YAE1: variants seen among roughly 807,000 people sequenced by gnomAD.
YAE1 encodes the protein YAE1 maturation factor of ABCE1.
In YAE1, 22 loss-of-function variants were observed where a neutral mutation model predicts 23.0. The ratio of observed to expected loss-of-function variants is 0.96; its 90% CI spans 0.68 to 1.37. The LOEUF (loss-of-function observed/expected upper bound fraction) is 1.37. Among genes scored for constraint, YAE1 ranks in the 40% most tolerant of loss-of-function variants. YAE1 has a pLI of 0.00. For synonymous variants in YAE1, 101 were observed against 97.0 expected (o/e 1.04, Z -0.24); for missense variants, 260 against 262.1 (o/e 0.99, Z 0.06).
rs144656008 is a variant in YAE1, at chr7:39,579,370, T to A, written c.251+8743T>A. Reference sequence around the variant, plus strand: ...AATAACATGGTAGCAGTGACTGTGTTTAGTAGGGGGACTGTGAGCTATGTG... The same window carrying A: ...AATAACATGGTAGCAGTGACTGTGTATAGTAGGGGGACTGTGAGCTATGTG... On this transcript the variant is annotated intron_variant, in intron 2 of 2. Transcript: ENST00000432096. Among the ~76,000 whole-genome samples, 679 of 152,256 alleles carry A rather than the reference T, an allele frequency of 4.5e-3. 6 individuals carry two copies. The highest frequency in any genetic ancestry group is 0.016 in the African/African-American group (648 of 41,538).
intron 2 of YAE1, among the ~76,000 whole-genome samples, chr7:39,585,766 G>A (rs1430158785): frequency 6.6e-6 from 1 of 152,180 alleles, no homozygotes; most frequent in African/African-American, 2.4e-5. Flanking sequence ...CTACTGAAAT[G>A]AAATCATACC....
In YAE1 at chr7:39,572,282, T is replaced by G. The variant is rs1417382571; in HGVS notation, c.257T>G (p.Leu86Trp). ...TTGTTTATACTTTTGTTCAGTGCTT[T>G]GCTCTCCTGGTGTCACCTTCATAAT... ...YGRLRGTLSA[L>W]LSWCHLHNNN... Residue 86 changes from leucine to tryptophan, a missense_variant, in exon 3 of 3, where the codon TTG becomes TGG. Leu to Trp is a moderately conservative substitution (Grantham distance 61). Coordinates refer to ENST00000223273, the MANE Select transcript of YAE1 (RefSeq NM_020192.5). 6.2e-7 allele frequency: 1 copy of G among 1,608,602 alleles called. No homozygotes were observed. Among genetic ancestry groups the G allele is most frequent in the African/African-American group, 1.3e-5 (1 of 74,794 alleles).
chr7:39,587,249 G>T (rs1790833184), intron 2 of YAE1, among the ~76,000 whole-genome samples: 1 of 151,700 alleles, frequency 6.6e-6, no homozygotes, highest in African/African-American at 2.4e-5. Flanking sequence ...TAGAAATGGG[G>T]TTTCGCCGTG....
Position 39,570,645 on chromosome 7 carries a change from A to G in YAE1, c.251+18A>G. ...ACATTGAGGTAATTTTTAAAGTCTAAATGCTGAATCATTTTAACCTCAATA... is the reference window on the plus strand; with the variant it reads ...ACATTGAGGTAATTTTTAAAGTCTAGATGCTGAATCATTTTAACCTCAATA... On this transcript the variant is annotated intron_variant, in intron 2 of 2. Coordinates refer to ENST00000223273, the MANE Select transcript of YAE1 (RefSeq NM_020192.5). 6.3e-7 allele frequency: 1 copy of G among 1,582,006 alleles called. No homozygotes were observed. The highest frequency in any genetic ancestry group is 8.5e-7 in the Non-Finnish European group (1 of 1,171,788).
At chr7:39,605,507 G>C (rs1041369568) in intron 2 of YAE1, among the ~76,000 whole-genome samples, 1 of 152,126 alleles carries the variant, frequency 6.6e-6, no homozygotes, top group Non-Finnish European at 1.5e-5. Context: ...CTTTGAACTG[G>C]GACATTAATC....
At chr7:39,570,693 A>C in intron 2 of YAE1, 66 bp downstream of exon 2, 1 of 1,517,356 alleles carries the variant, frequency 6.6e-7, no homozygotes, top group Admixed American at 2.5e-5. Context: ...GTTTCTGTAT[A>C]AATAAAGTGT....
chr7:39,582,518 A>G (rs1790760477), intron 2 of YAE1, among the ~76,000 whole-genome samples: 1 of 152,134 alleles, frequency 6.6e-6, no homozygotes, highest in African/African-American at 2.4e-5. Flanking sequence ...GCCAAACGAT[A>G]TATTATTAGT....
chr7:39,603,801 T>TC (rs1236563705), intron 2 of YAE1, among the ~76,000 whole-genome samples: 12 of 152,198 alleles, frequency 7.9e-5, no homozygotes, highest in Non-Finnish European at 1.5e-4. Context: ...GAAGTCATGT[T>TC]CCACAGCTGG....
chr7:39,610,555 A>G (rs1200898151), downstream of YAE1, among the ~76,000 whole-genome samples: 1 of 152,222 alleles, frequency 6.6e-6, no homozygotes, highest in East Asian at 1.9e-4. Flanking sequence ...GTAGCAAAAT[A>G]TGCCTTCAGT....
downstream of YAE1, among the ~76,000 whole-genome samples, chr7:39,577,637 G>A (rs747519972): frequency 5.0e-4 from 76 of 152,300 alleles, no homozygotes; most frequent in Middle Eastern, 3.4e-3. Flanking sequence ...CTGCCTCCCC[G>A]GTGGGCACGG....
chr7:39,575,577 A>AGAGAGAGT (rs1173016799), downstream of YAE1, among the ~76,000 whole-genome samples: 19 of 80,206 alleles, frequency 2.4e-4, no homozygotes, highest in African/African-American at 1.5e-3. Flanking sequence ...AGAGAGAGAG[A>AGAGAGAGT]GTGAGTGTGT....
intron 2 of YAE1, among the ~76,000 whole-genome samples, chr7:39,596,817 C>T (rs1383908525): frequency 6.6e-6 from 1 of 152,148 alleles, no homozygotes; most frequent in African/African-American, 2.4e-5. Flanking sequence ...AAAATAGATA[C>T]TCAACACATG....
intron 2 of YAE1, among the ~76,000 whole-genome samples, chr7:39,601,925 T>C (rs538871622): frequency 6.6e-6 from 1 of 152,316 alleles, no homozygotes; most frequent in South Asian, 2.1e-4. Context: ...ATATTCTAAC[T>C]TCAAGGGGCA....
chr7:39,609,527 T>C (rs1434585300), intron 2 of YAE1: 3 of 1,457,796 alleles, frequency 2.1e-6, no homozygotes, highest in Middle Eastern at 3.5e-4. Context: ...CAGAAAATGA[T>C]GATGTTATCG....
chr7:39,580,773 G>A (rs1405524610), intron 2 of YAE1, among the ~76,000 whole-genome samples: 2 of 152,150 alleles, frequency 1.3e-5, no homozygotes, highest in Admixed American at 6.5e-5. Context: ...GGGGTATGTC[G>A]ACAAATAAGA....
At chr7:39,579,607 G>A (rs1790711532) in intron 2 of YAE1, among the ~76,000 whole-genome samples, 1 of 150,438 alleles carries the variant, frequency 6.6e-6, no homozygotes, top group African/African-American at 2.5e-5. Context: ...AGGTGGGGGT[G>A]CAGTGAGCTG....
intron 2 of YAE1, chr7:39,609,480 G>C: frequency 8.6e-7 from 1 of 1,167,900 alleles, no homozygotes; most frequent in Non-Finnish European, 1.2e-6. Context: ...GAAAGTTGGG[G>C]GGTTGTAACA....
chr7:39,571,482 A>G (rs537295273), intron 2 of YAE1, among the ~76,000 whole-genome samples: 4 of 152,048 alleles, frequency 2.6e-5, no homozygotes, highest in African/African-American at 4.8e-5. Flanking sequence ...AAAGTTACCA[A>G]AACAAACCGA....
At chr7:39,568,265 A>G (rs975189360) in intron 1 of YAE1, among the ~76,000 whole-genome samples, 2 of 151,386 alleles carry the variant, frequency 1.3e-5, no homozygotes, top group African/African-American at 4.8e-5. Flanking sequence ...ATAAATATAT[A>G]TATATATAGT....
Sources: gnomAD v4.1 joint callset for allele counts (sites outside exome capture counted in the v4.1 genomes callset) on GRCh38, gnomAD v4.1.1 for gene constraint, MANE v1.5 for transcripts, NCBI Gene and HGNC (gene_info 2026-07-23, HGNC 2026-07-21) for gene names.